Variants in MALRD1 observed in about 807,000 individuals in gnomAD.
The protein encoded by MALRD1 is MAM and LDL receptor class A domain containing 1, also known as MAM and LDL-receptor class A domain-containing protein 1.
A neutral mutation model predicts 242.1 loss-of-function variants in MALRD1; 247 were observed. The observed-to-expected ratio is 1.02, with a 90% CI of 0.92 to 1.13. The LOEUF is 1.13. Ranked by LOEUF, MALRD1 falls within the 50% of genes most tolerant of loss-of-function variation. The pLI is 0.00. For synonymous variants in MALRD1, 995 were observed against 866.6 expected (o/e 1.15, Z -2.60); for missense variants, 2,989 against 2,533.1 (o/e 1.18, Z -3.86).
chr10:19,425,831 A>T (rs1833884864), intron 28 of MALRD1, among the ~76,000 whole-genome samples: 1 of 152,114 alleles, frequency 6.6e-6, no homozygotes, highest in Non-Finnish European at 1.5e-5. Flanking sequence ...AATAAGGGTG[A>T]TTATTTGTCC....
chr10:19,728,002 A>G (rs890020453), intron 38 of MALRD1, among the ~76,000 whole-genome samples: 6 of 152,184 alleles, frequency 3.9e-5, no homozygotes, highest in African/African-American at 1.4e-4. Context: ...TCCTTCATGG[A>G]AGAATCTGTG....
chr10:19,648,149 A>T, intron 36 of MALRD1, among the ~76,000 whole-genome samples: 1 of 152,178 alleles, frequency 6.6e-6, no homozygotes, highest in East Asian at 1.9e-4. Context: ...TACCAGAGAG[A>T]AACTGCTGTG....
At chr10:19,053,563 G>C (rs1394478589) in intron 1 of MALRD1, among the ~76,000 whole-genome samples, 3 of 152,134 alleles carry the variant, frequency 2.0e-5, no homozygotes, top group African/African-American at 7.2e-5. Flanking sequence ...GGTGTATACA[G>C]AATTAAAAGC....
At chr10:19,113,836 C>G (rs12217404) in intron 5 of MALRD1, among the ~76,000 whole-genome samples, 1 of 149,978 alleles carries the variant, frequency 6.7e-6, no homozygotes. Context: ...CACACAGACA[C>G]ACACACACAG....
At chr10:19,190,884 A>T (rs1835946611) in intron 14 of MALRD1, among the ~76,000 whole-genome samples, 1 of 152,198 alleles carries the variant, frequency 6.6e-6, no homozygotes, top group Non-Finnish European at 1.5e-5. Flanking sequence ...AAACCTTATG[A>T]TGCTGTGTCT....
At chr10:19,677,444 G>T (rs376001301) in intron 36 of MALRD1, among the ~76,000 whole-genome samples, 3 of 152,102 alleles carry the variant, frequency 2.0e-5, no homozygotes, top group African/African-American at 7.2e-5. Flanking sequence ...GTATATGTTT[G>T]TTGGCTGCAT....
Position 19,352,538 on chromosome 10 carries a change from T to A in MALRD1, c.4441+241T>A, listed in dbSNP as rs887279722. On this transcript the variant is annotated intron_variant, in intron 26 of 39. Coordinates refer to ENST00000454679, the MANE Select transcript of MALRD1 (RefSeq NM_001142308.3). ...TTCCTGGCTTCTCTGTTTAGTCACC[T>A]TCCTCTTAGATCAATAAAATAAGAG... is the stretch of plus-strand genomic sequence containing the variant. 2.6e-5 allele frequency among the ~76,000 whole-genome samples: 4 copies of A among 152,182 alleles called. No homozygotes were observed. In the East Asian group the frequency reaches 7.7e-4, roughly 29 times the overall value.
intron 1 of MALRD1, among the ~76,000 whole-genome samples, chr10:19,061,176 CTTAA>C (rs1834812249): frequency 6.6e-6 from 1 of 152,058 alleles, no homozygotes; most frequent in African/African-American, 2.4e-5. Flanking sequence ...GGATGCTGGG[CTTAA>C]TACCTAGGTG....
chr10:19,448,412 T>C (rs1835122967), intron 28 of MALRD1, among the ~76,000 whole-genome samples: 2 of 151,894 alleles, frequency 1.3e-5, no homozygotes, highest in Admixed American at 1.3e-4. Flanking sequence ...GAACTAACCA[T>C]AAACATAATA....
At chr10:19,727,609 T>G (rs1179100472) in intron 38 of MALRD1, among the ~76,000 whole-genome samples, 1 of 152,146 alleles carries the variant, frequency 6.6e-6, no homozygotes, top group East Asian at 1.9e-4. Context: ...TTTCCTCTAC[T>G]CAAAATTTCT....
chr10:19,507,186 C>G (rs1487517741), intron 31 of MALRD1, among the ~76,000 whole-genome samples: 1 of 152,042 alleles, frequency 6.6e-6, no homozygotes, highest in East Asian at 1.9e-4. Flanking sequence ...ATCCAGTCAC[C>G]TCTCACCAGG....
intron 19 of MALRD1, among the ~76,000 whole-genome samples, chr10:19,274,918 A>G (rs569054915): frequency 5.8e-4 from 89 of 152,316 alleles, no homozygotes; most frequent in African/African-American, 2.1e-3. Flanking sequence ...AACCTTGTGA[A>G]TAGCCTTAAT....
chr10:19,506,137 T>C (rs765620361), intron 31 of MALRD1, among the ~76,000 whole-genome samples: 5 of 152,222 alleles, frequency 3.3e-5, no homozygotes, highest in Non-Finnish European at 7.3e-5. Context: ...AAGCACCTGC[T>C]ATTCATCCTC....
intron 21 of MALRD1, among the ~76,000 whole-genome samples, chr10:19,321,741 A>T (rs958444806): frequency 6.6e-6 from 1 of 152,110 alleles, no homozygotes; most frequent in Admixed American, 6.6e-5. Context: ...ATTAAACTGT[A>T]TGTTTGCACC....
At chr10:19,264,943 T>C (rs1461738443) in intron 19 of MALRD1, among the ~76,000 whole-genome samples, 2 of 152,202 alleles carry the variant, frequency 1.3e-5, no homozygotes, top group Admixed American at 6.5e-5. Flanking sequence ...TTCATCTGTT[T>C]AGATTTTTTT....
intron 18 of MALRD1, among the ~76,000 whole-genome samples, chr10:19,238,388 ATATATGT>A (rs1838525656): frequency 1.3e-5 from 1 of 74,804 alleles, no homozygotes; most frequent in South Asian, 3.7e-4. Flanking sequence ...ATAATATATT[ATATATGT>A]TATATATTAT....
chr10:19,317,391 T>C (rs1476899591), intron 21 of MALRD1, among the ~76,000 whole-genome samples: 2 of 151,928 alleles, frequency 1.3e-5, no homozygotes. Context: ...CACTCCTTAA[T>C]AACATTACCT....
chr10:19,114,631 T>A (rs540056365), intron 5 of MALRD1, among the ~76,000 whole-genome samples: 1 of 151,844 alleles, frequency 6.6e-6, no homozygotes, highest in African/African-American at 2.4e-5. Context: ...GAAAAAAAAA[T>A]GATATTTAGA....
chr10:19,723,409 T>C (rs74474977), intron 38 of MALRD1, among the ~76,000 whole-genome samples: 1,559 of 152,172 alleles, frequency 0.01, 28 homozygotes, highest in African/African-American at 0.031. Flanking sequence ...ACAAATGGTA[T>C]TCCCTTTCAC....
Sources: gnomAD v4.1 joint callset for allele counts (sites outside exome capture counted in the v4.1 genomes callset) on GRCh38, gnomAD v4.1.1 for gene constraint, MANE v1.5 for transcripts, NCBI Gene and HGNC (gene_info 2026-07-23, HGNC 2026-07-21) for gene names.